The following EYS variants were observed in gnomAD, a reference collection of about 807,000 sequenced individuals.
The protein encoded by EYS is EGF-like photoreceptor maintenance factor.
In EYS, 250 loss-of-function variants were observed where a neutral mutation model predicts 282.1. The ratio of observed to expected loss-of-function variants is 0.89; its 90% CI spans 0.80 to 0.98. EYS has a LOEUF of 0.98. Ranked by LOEUF, EYS falls within the 50% of genes least tolerant of loss-of-function variation. EYS has a pLI of 0.00. For synonymous variants in EYS, 1,355 were observed against 1,282.9 expected (o/e 1.06, Z -1.20); for missense variants, 4,016 against 3,709.0 (o/e 1.08, Z -2.15).
intron 28 of EYS, among the ~76,000 whole-genome samples, chr6:64,435,206 T>G (rs1774701312): frequency 6.6e-6 from 1 of 152,076 alleles, no homozygotes; most frequent in Admixed American, 6.6e-5. Flanking sequence ...AAATAGCATC[T>G]CAGAGTTCTT....
chr6:63,974,838 A>G (rs1365291478), intron 35 of EYS, among the ~76,000 whole-genome samples: 3 of 152,044 alleles, frequency 2.0e-5, no homozygotes, highest in African/African-American at 7.2e-5. Context: ...CTGCCCTGTG[A>G]AAACAAATGC....
intron 31 of EYS, among the ~76,000 whole-genome samples, chr6:64,188,038 T>G (rs186707450): frequency 1.6e-4 from 25 of 152,254 alleles, no homozygotes; most frequent in African/African-American, 6.0e-4. Flanking sequence ...GCAAAGAGAA[T>G]TTTGAAAAAG....
At chr6:64,700,567 C>T (rs762093619) in intron 22 of EYS, among the ~76,000 whole-genome samples, 1 of 151,856 alleles carries the variant, frequency 6.6e-6, no homozygotes, top group Non-Finnish European at 1.5e-5. Context: ...ATATCAGTAG[C>T]CTTTCTATAT....
At chr6:65,592,183 A>T (rs976090536) in intron 2 of EYS, among the ~76,000 whole-genome samples, 1 of 152,044 alleles carries the variant, frequency 6.6e-6, no homozygotes, top group Admixed American at 6.6e-5. Flanking sequence ...TTTCTAAAAA[A>T]TGAACATTTT....
intron 32 of EYS, among the ~76,000 whole-genome samples, chr6:64,066,706 C>A (rs1361327232): frequency 6.6e-6 from 1 of 152,092 alleles, no homozygotes; most frequent in Non-Finnish European, 1.5e-5. Context: ...ATTAACTTGA[C>A]ATGAATTTTA....
At chr6:64,103,201 A>G (rs1481114735) in intron 31 of EYS, among the ~76,000 whole-genome samples, 1 of 152,188 alleles carries the variant, frequency 6.6e-6, no homozygotes, top group Admixed American at 6.5e-5. Context: ...TACCCACTCT[A>G]TGGAAGAATT....
chr6:64,542,569 A>C (rs1024961556), intron 26 of EYS, among the ~76,000 whole-genome samples: 1 of 152,060 alleles, frequency 6.6e-6, no homozygotes, highest in Non-Finnish European at 1.5e-5. Flanking sequence ...AGTGATTGTG[A>C]AAGTAGGTTT....
At position 65,024,043 on chromosome 6, in the gene EYS, C is replaced by G. The variant is rs9351482; in HGVS notation, c.2138-26340G>C. 9.9e-5 allele frequency among the ~76,000 whole-genome samples: 15 copies of G among 152,244 alleles called. No homozygotes were observed. The East Asian group carries it at 2.9e-3, about 29-fold the overall frequency. On this transcript the variant is annotated intron_variant, in intron 13 of 42. Transcript: ENST00000503581. ...ATAGCCCTCTTCTTTAAAGCAAGAG[C>G]AAACCTCAGTCTTCTGGGTGGTCTG...
At chr6:64,150,779 T>C (rs1348011828) in intron 31 of EYS, among the ~76,000 whole-genome samples, 1 of 152,110 alleles carries the variant, frequency 6.6e-6, no homozygotes, top group Non-Finnish European at 1.5e-5. Context: ...GAGAATTGCT[T>C]GAAGCCAGGA....
chr6:65,067,793 A>T (rs1388406133), intron 12 of EYS, among the ~76,000 whole-genome samples: 6 of 152,216 alleles, frequency 3.9e-5, no homozygotes, highest in African/African-American at 1.2e-4. Context: ...CCATGTTTTT[A>T]AAAAATATTT....
intron 13 of EYS, among the ~76,000 whole-genome samples, chr6:65,007,053 T>C (rs1771692133): frequency 6.6e-6 from 1 of 152,168 alleles, no homozygotes; most frequent in African/African-American, 2.4e-5. Flanking sequence ...TTAGGCATGC[T>C]GGTAAAGGAC....
intron 22 of EYS, among the ~76,000 whole-genome samples, chr6:64,704,538 A>C (rs1275953150): frequency 4.8e-5 from 2 of 42,014 alleles, no homozygotes; most frequent in Non-Finnish European, 1.1e-4. Context: ...TTATAATAAT[A>C]TTATAATTAT....
At chr6:65,050,896 T>G (rs1485576672) in intron 13 of EYS, among the ~76,000 whole-genome samples, 1 of 151,732 alleles carries the variant, frequency 6.6e-6, no homozygotes, top group African/African-American at 2.4e-5. Context: ...TCAACACACT[T>G]AAGCATTTTT....
intron 35 of EYS, among the ~76,000 whole-genome samples, chr6:63,980,616 C>T (rs1767042012): frequency 6.6e-6 from 1 of 151,858 alleles, no homozygotes; most frequent in African/African-American, 2.4e-5. Flanking sequence ...TCCATCCTCC[C>T]TGAATCCAGA....
At chr6:64,434,532 C>G (rs1258321248) in intron 28 of EYS, among the ~76,000 whole-genome samples, 1 of 152,002 alleles carries the variant, frequency 6.6e-6, no homozygotes, top group Non-Finnish European at 1.5e-5. Flanking sequence ...TGATCTTGAA[C>G]ATACAGCAGT....
At chr6:64,448,484 T>C (rs1775199635) in intron 26 of EYS, among the ~76,000 whole-genome samples, 1 of 152,318 alleles carries the variant, frequency 6.6e-6, no homozygotes, top group South Asian at 2.1e-4. Context: ...TAAATGTCCC[T>C]GTCCGATAGC....
At chr6:65,053,511 A>G (rs547101353) in intron 13 of EYS, among the ~76,000 whole-genome samples, 30 of 151,966 alleles carry the variant, frequency 2.0e-4, no homozygotes, top group African/African-American at 5.5e-4. Flanking sequence ...ATCAAAATAT[A>G]TGTTCATGCA....
At chr6:64,469,616 G>C (rs1776044060) in intron 26 of EYS, among the ~76,000 whole-genome samples, 1 of 152,094 alleles carries the variant, frequency 6.6e-6, no homozygotes, top group African/African-American at 2.4e-5. Flanking sequence ...CAGCTTCTGG[G>C]AAGACGCCCC....
chr6:64,602,889 G>A (rs1294861815), intron 24 of EYS, among the ~76,000 whole-genome samples: 1 of 151,958 alleles, frequency 6.6e-6, no homozygotes, highest in Non-Finnish European at 1.5e-5. Context: ...CTAAACATGT[G>A]TCAGGTAGCT....
Sources: gnomAD v4.1 joint callset for allele counts (sites outside exome capture counted in the v4.1 genomes callset) on GRCh38, gnomAD v4.1.1 for gene constraint, MANE v1.5 for transcripts, NCBI Gene and HGNC (gene_info 2026-07-23, HGNC 2026-07-21) for gene names.